The following OXR1 variants were observed in gnomAD, a reference collection of about 807,000 sequenced individuals.
OXR1 encodes the protein oxidation resistance 1.
In OXR1, 41 loss-of-function variants were observed where a neutral mutation model predicts 104.6. That is an observed-to-expected ratio of 0.39 (90% confidence interval 0.31 to 0.51). The LOEUF is 0.51. Among genes scored for constraint, OXR1 ranks in the 20% least tolerant of loss-of-function variants. The probability of loss-of-function intolerance (pLI) is 0.77; values close to 1 mark genes in which losing one functional copy is unlikely to be tolerated. For missense variants in OXR1, 955 were observed against 1,031.9 expected, an observed-to-expected ratio of 0.93 and a Z score of 1.02; for synonymous variants, 348 against 348.4, an observed-to-expected ratio of 1.00 and a Z score of 0.01.
intron 2 of OXR1, among the ~76,000 whole-genome samples, chr8:106,378,774 G>T (rs1033305516): frequency 6.6e-6 from 1 of 152,192 alleles, no homozygotes; most frequent in African/African-American, 2.4e-5. Flanking sequence ...CTCCCAAAGT[G>T]TTGGGATTAC....
chr8:106,710,059 A>C (rs1831541230), intron 9 of OXR1, among the ~76,000 whole-genome samples: 1 of 152,140 alleles, frequency 6.6e-6, no homozygotes. Flanking sequence ...ATACTCTATC[A>C]GCACCTCTGG....
chr8:106,316,294 A>G (rs568545466), intron 1 of OXR1, among the ~76,000 whole-genome samples: 1 of 152,200 alleles, frequency 6.6e-6, no homozygotes, highest in Non-Finnish European at 1.5e-5. Flanking sequence ...AACCCAGGTT[A>G]ATAAAAATAG....
At chr8:106,525,896 C>T (rs1210540460) in intron 3 of OXR1, among the ~76,000 whole-genome samples, 1 of 152,296 alleles carries the variant, frequency 6.6e-6, no homozygotes, top group East Asian at 1.9e-4. Context: ...ATCCAATGTT[C>T]TTTACACAGC....
At chr8:106,549,565 A>G (rs1207296925) in intron 3 of OXR1, among the ~76,000 whole-genome samples, 1 of 152,224 alleles carries the variant, frequency 6.6e-6, no homozygotes, top group Non-Finnish European at 1.5e-5. Flanking sequence ...TCAGACTGCT[A>G]TAACAGAATA....
At chr8:106,683,462 T>C (rs1292455851) in intron 5 of OXR1, among the ~76,000 whole-genome samples, 156 bp downstream of exon 5, 2 of 152,138 alleles carry the variant, frequency 1.3e-5, no homozygotes, top group Non-Finnish European at 2.9e-5. Context: ...AAATTAACTG[T>C]TTTATGTCTG....
chr8:106,315,608 C>G (rs1352107381), intron 1 of OXR1, among the ~76,000 whole-genome samples: 1 of 152,184 alleles, frequency 6.6e-6, no homozygotes, highest in Non-Finnish European at 1.5e-5. Context: ...GTGGGACTTG[C>G]AATCAGTGGC....
chr8:106,358,300 A>C (rs1816069451), intron 1 of OXR1, among the ~76,000 whole-genome samples: 1 of 152,140 alleles, frequency 6.6e-6, no homozygotes, highest in Non-Finnish European at 1.5e-5. Flanking sequence ...AGAAAAATAA[A>C]CTTTTTTTAA....
At chr8:106,679,168 A>G (rs780600170) in intron 3 of OXR1, 42 bp from the exon 4 acceptor site, 1 of 1,225,398 alleles carries the variant, frequency 8.2e-7, no homozygotes, top group Non-Finnish European at 1.2e-6. Flanking sequence ...ATTACTCTGA[A>G]AGAAAGATGA....
intron 3 of OXR1, chr8:106,618,103 T>C: frequency 6.5e-7 from 1 of 1,535,882 alleles, no homozygotes; most frequent in Non-Finnish European, 8.7e-7. Context: ...AAAATTCCTG[T>C]CTCCTCTTCT....
chr8:106,541,885 A>G (rs1196491116), intron 3 of OXR1, among the ~76,000 whole-genome samples: 4 of 152,216 alleles, frequency 2.6e-5, no homozygotes, highest in Non-Finnish European at 4.4e-5. Flanking sequence ...ACCCAGGCCC[A>G]GTGTTTACTG....
At chr8:106,680,760 C>G (rs1453450304) in intron 4 of OXR1, among the ~76,000 whole-genome samples, 1 of 152,120 alleles carries the variant, frequency 6.6e-6, no homozygotes, top group Non-Finnish European at 1.5e-5. Context: ...TTTCTAGTTG[C>G]TTGCATTTCC....
chr8:106,575,709 A>G (rs1282022511), intron 3 of OXR1, among the ~76,000 whole-genome samples: 2 of 151,894 alleles, frequency 1.3e-5, no homozygotes, highest in Non-Finnish European at 2.9e-5. Context: ...TAAAAAAAAA[A>G]AAAAAGAGAA....
At chr8:106,557,605 T>G (rs190351331) in intron 3 of OXR1, among the ~76,000 whole-genome samples, 90 of 152,276 alleles carry the variant, frequency 5.9e-4, no homozygotes, top group Middle Eastern at 3.4e-3. Flanking sequence ...AATTTTTTTT[T>G]CCTAGATTCC....
intron 2 of OXR1, among the ~76,000 whole-genome samples, chr8:106,365,177 T>G (rs771094810): frequency 2.6e-5 from 4 of 151,808 alleles, no homozygotes; most frequent in Admixed American, 6.6e-5. Flanking sequence ...TATTTCTAAT[T>G]TTTTTTTAAA....
At chr8:106,329,127 G>T (rs991896539) in intron 1 of OXR1, among the ~76,000 whole-genome samples, 1 of 151,956 alleles carries the variant, frequency 6.6e-6, no homozygotes, top group African/African-American at 2.4e-5. Flanking sequence ...GAGTAGCTGG[G>T]ATTATAAGTG....
chr8:106,475,764 G>T (rs192337199), intron 2 of OXR1, among the ~76,000 whole-genome samples: 63 of 152,002 alleles, frequency 4.1e-4, no homozygotes, highest in African/African-American at 1.5e-3. Context: ...CTTCCTCATT[G>T]TCTGGCACTG....
chr8:106,420,157 C>T (rs560809387), intron 2 of OXR1, among the ~76,000 whole-genome samples: 33 of 152,160 alleles, frequency 2.2e-4, no homozygotes, highest in Non-Finnish European at 3.5e-4. Flanking sequence ...GAAACTGACA[C>T]TGAAGCAAAG....
At chr8:106,678,876 T>C (rs1008355770) in intron 3 of OXR1, among the ~76,000 whole-genome samples, 2 of 152,038 alleles carry the variant, frequency 1.3e-5, no homozygotes, top group Admixed American at 1.3e-4. Flanking sequence ...AAATATATAA[T>C]GTATCTTAAA....
chr8:106,607,791 CTCTT>C (rs1820512122), intron 3 of OXR1, among the ~76,000 whole-genome samples: 2 of 151,690 alleles, frequency 1.3e-5, no homozygotes, highest in African/African-American at 2.4e-5. Context: ...ATGTTATTTC[CTCTT>C]TCTTTTTCTT....
Sources: allele counts gnomAD v4.1 joint callset (sites outside exome capture counted in the v4.1 genomes callset), GRCh38; gene constraint gnomAD v4.1.1; transcripts MANE v1.5; gene names NCBI Gene and HGNC (gene_info 2026-07-23, HGNC 2026-07-21).